Variants in FAM221A observed in about 807,000 individuals in gnomAD.
FAM221A encodes the protein family with sequence similarity 221 member A.
In FAM221A, 43 loss-of-function variants were observed where a neutral mutation model predicts 37.6. That is an observed-to-expected ratio of 1.15 (90% CI 0.90 to 1.48). The LOEUF (loss-of-function observed/expected upper bound fraction) is 1.48, where lower values mean the gene tolerates loss of function less well. FAM221A is among the 40% of genes most tolerant of loss of function. FAM221A has a pLI of 0.00. For synonymous variants in FAM221A, 135 were observed against 132.9 expected (o/e 1.02, Z -0.11); for missense variants, 361 against 361.5 (o/e 1.00, Z 0.01).
At chr7:23,701,695 T>G (rs750036018) in intron 6 of FAM221A, among the ~76,000 whole-genome samples, 21 of 152,166 alleles carry the variant, frequency 1.4e-4, no homozygotes, top group Non-Finnish European at 1.5e-4. Context: ...AAGGTAACTG[T>G]GGGAATATAG....
At chr7:23,697,299 C>T (rs1785120511) in intron 4 of FAM221A, among the ~76,000 whole-genome samples, 1 of 152,196 alleles carries the variant, frequency 6.6e-6, no homozygotes, top group Admixed American at 6.5e-5. Context: ...ACTTCTAACC[C>T]AATTAGGACC....
intron 1 of FAM221A, among the ~76,000 whole-genome samples, chr7:23,682,439 ATTTT>A (rs59949135): frequency 2.5e-5 from 2 of 79,394 alleles, no homozygotes; most frequent in African/African-American, 8.2e-5. Flanking sequence ...TATTATTATT[ATTTT>A]TTTTTTTAGA....
At chr7:23,694,640 A>C (rs894726901) in intron 4 of FAM221A, 1 of 152,232 alleles carries the variant, frequency 6.6e-6, no homozygotes, top group Non-Finnish European at 1.5e-5. Context: ...CCTATTTTAC[A>C]GATGAGGATA....
In FAM221A at chr7:23,699,301, T is replaced by A. The variant is rs2390808; in HGVS notation, c.745+1002T>A. On this transcript the variant is annotated intron_variant, in intron 5 of 6. Coordinates refer to ENST00000344962, the MANE Select transcript of FAM221A (RefSeq NM_199136.5). ...TGGGTAATTAAAAAAACTTTTTTTT[T>A]GCAGCAGCAGGGTCTTGCTATGTTG... 2.0e-3 allele frequency among the ~76,000 whole-genome samples: 297 copies of A among 150,810 alleles called. 1 individual carries two copies. The highest frequency in any genetic ancestry group is 6.9e-3 in the African/African-American group (284 of 41,088).
At chr7:23,701,372 T>C (rs1191470641) in intron 6 of FAM221A, among the ~76,000 whole-genome samples, 1 of 151,720 alleles carries the variant, frequency 6.6e-6, no homozygotes, top group Non-Finnish European at 1.5e-5. Flanking sequence ...CCCGAGTAGC[T>C]GGGACCACAG....
chr7:23,684,209 T>A (rs1454325296), intron 1 of FAM221A, among the ~76,000 whole-genome samples: 1 of 152,156 alleles, frequency 6.6e-6, no homozygotes, highest in African/African-American at 2.4e-5. Flanking sequence ...CTTCGTTATG[T>A]TGTCATGCTT....
chr7:23,690,199 A>ATATATATATGTAT (rs774313037), intron 3 of FAM221A, among the ~76,000 whole-genome samples: 1 of 48,740 alleles, frequency 2.1e-5, no homozygotes, highest in Non-Finnish European at 3.6e-5. Flanking sequence ...ATATATATAT[A>ATATATATATGTAT]TTTTTTTTTT....
chr7:23,680,478 C>T (rs1292869306), intron 1 of FAM221A, among the ~76,000 whole-genome samples, 195 bp downstream of exon 1: 1 of 152,270 alleles, frequency 6.6e-6, no homozygotes, highest in Middle Eastern at 3.4e-3. Flanking sequence ...CGGTTCTATG[C>T]AGTGATGAGT....
intron 3 of FAM221A, among the ~76,000 whole-genome samples, chr7:23,690,121 T>A (rs1784625726): frequency 6.8e-6 from 1 of 147,584 alleles, no homozygotes; most frequent in Non-Finnish European, 1.5e-5. Context: ...TTTCATTGGC[T>A]GAATATGGAA....
chr7:23,699,918 T>A (rs557299007), intron 5 of FAM221A, among the ~76,000 whole-genome samples: 278 of 152,254 alleles, frequency 1.8e-3, no homozygotes, highest in African/African-American at 6.3e-3. Flanking sequence ...TGCAACTCAA[T>A]GTAGATGAGT....
At chr7:23,681,176 G>A (rs1380833620) in intron 1 of FAM221A, among the ~76,000 whole-genome samples, 13 of 152,310 alleles carry the variant, frequency 8.5e-5, no homozygotes, top group South Asian at 4.1e-4. Context: ...GCTTGATGGG[G>A]TCAGTTCCCA....
In FAM221A at chr7:23,698,197, C is replaced by G; in HGVS notation, c.643C>G (p.Pro215Ala). The part of the protein sequence containing the change: ...MRLDDSGIGV[P>A]SVEFLESPIT... Reference sequence around the variant, plus strand: ...TCCATGTATTGTTTTCTCAGGTGTACCTTCAGTTGAATTTTTAGAATCTCC... The same window carrying G: ...TCCATGTATTGTTTTCTCAGGTGTAGCTTCAGTTGAATTTTTAGAATCTCC... The change falls in exon 5 of 7, where the codon CCT (proline) becomes GCT (alanine). Residue 215 changes from proline (P) to alanine (A), a missense_variant. Coordinates refer to ENST00000344962, the MANE Select transcript of FAM221A (RefSeq NM_199136.5). 6.5e-7 allele frequency: 1 copy of G among 1,536,666 alleles called. No homozygotes were observed. Among genetic ancestry groups the G allele is most frequent in the Non-Finnish European group, 9.0e-7 (1 of 1,115,868 alleles).
chr7:23,689,480 C>A, intron 3 of FAM221A, 21 bp downstream of exon 3: 1 of 1,491,964 alleles, frequency 6.7e-7, no homozygotes, highest in Non-Finnish European at 9.1e-7. Flanking sequence ...TTATTATAAA[C>A]ACATAAACTC....
intron 5 of FAM221A, among the ~76,000 whole-genome samples, chr7:23,699,985 C>G (rs776343476): frequency 2.6e-5 from 4 of 152,126 alleles, no homozygotes; most frequent in Non-Finnish European, 5.9e-5. Flanking sequence ...CCCAGAGTTT[C>G]CAGAGGAATG....
At chr7:23,694,259 A>G (rs1384941865) in intron 4 of FAM221A, 2 of 152,088 alleles carry the variant, frequency 1.3e-5, no homozygotes, top group African/African-American at 2.4e-5. Flanking sequence ...CCATTTGTCT[A>G]TCCTGTGCCA....
At chr7:23,689,142 C>A (rs530165662) in intron 2 of FAM221A, 127 bp from the exon 3 acceptor site, 6 of 596,216 alleles carry the variant, frequency 1.0e-5, no homozygotes, top group African/African-American at 9.1e-5. Context: ...TTTATTTTCA[C>A]CTTACTATGA....
chr7:23,700,733 AG>A (rs1021699907), intron 5 of FAM221A, 52 bp from the exon 6 acceptor site: 43 of 1,143,030 alleles, frequency 3.8e-5, no homozygotes, highest in Non-Finnish European at 5.1e-5. Flanking sequence ...CTTTTATTTC[AG>A]GGGAATATGT....
At chr7:23,684,708 G>A (rs1784264602) in intron 2 of FAM221A, 36 bp downstream of exon 2, 1 of 1,546,478 alleles carries the variant, frequency 6.5e-7, no homozygotes, top group Non-Finnish European at 8.7e-7. Flanking sequence ...TTGATAATTA[G>A]AAAATAAAAA....
chr7:23,703,127 C>A (rs1441409527), downstream of FAM221A: 1 of 152,226 alleles, frequency 6.6e-6, no homozygotes, highest in Non-Finnish European at 1.5e-5. Context: ...GCTCCAGTCA[C>A]CCATAGCAGT....
Sources: gnomAD v4.1 joint callset for allele counts (sites outside exome capture counted in the v4.1 genomes callset) on GRCh38, gnomAD v4.1.1 for gene constraint, MANE v1.5 for transcripts, NCBI Gene and HGNC (gene_info 2026-07-23, HGNC 2026-07-21) for gene names.